Variants in GALK2 observed in about 807,000 individuals in gnomAD.
GALK2 encodes N-acetylgalactosamine kinase.
Under a neutral mutation model 52.4 loss-of-function variants are expected in GALK2, and 36 were observed. That is an observed-to-expected ratio of 0.69 (90% CI 0.53 to 0.91). The LOEUF (loss-of-function observed/expected upper bound fraction) is 0.91, where lower values mean the gene tolerates loss of function less well. Among genes scored for constraint, GALK2 ranks in the 40% least tolerant of loss-of-function variants. GALK2 has a pLI of 0.00. For missense variants in GALK2, 579 were observed against 559.1 expected (o/e 1.04, Z -0.36); for synonymous variants, 176 against 199.1 (o/e 0.88, Z 0.98).
At chr15:49,200,828 T>C (rs1014796178) in intron 1 of GALK2, among the ~76,000 whole-genome samples, 1 of 152,176 alleles carries the variant, frequency 6.6e-6, no homozygotes, top group East Asian at 1.9e-4. Flanking sequence ...TCCCTGAATG[T>C]CACCAAAAAA....
At chr15:49,366,650 G>A (rs1596599393) in intron 3 of GALK2, 1 of 1,563,252 alleles carries the variant, frequency 6.4e-7, no homozygotes, top group Non-Finnish European at 8.8e-7. Flanking sequence ...GAGCAGGGCG[G>A]CCGTGGCAGG....
chr15:49,367,650 T>C (rs113970964), exon 4 of GALK2: 3 of 1,518,676 alleles, frequency 2.0e-6, no homozygotes, highest in South Asian at 2.6e-5. Context: ...ATTACTTTTG[T>C]GTTTCTAAAA....
At chr15:49,203,194 G>T (rs772508091) in intron 2 of GALK2, among the ~76,000 whole-genome samples, 2 of 152,074 alleles carry the variant, frequency 1.3e-5, no homozygotes, top group Admixed American at 1.3e-4. Context: ...GGGACTACAG[G>T]CACGTGCCAC....
intron 7 of GALK2, among the ~76,000 whole-genome samples, chr15:49,290,168 C>A (rs2033796202): frequency 1.3e-5 from 2 of 152,204 alleles, no homozygotes; most frequent in South Asian, 4.1e-4. Flanking sequence ...TGTCTTTGAA[C>A]AATGGTGATC....
At position 49,328,178 on chromosome 15, in the gene GALK2, A is replaced by C; in HGVS notation, c.*19A>C. ...GGCCTGAAAAAATGTAAAAAGTCTG[A>C]GAGAAACTACTTAGGGCACTTAGGA... On this transcript the variant is annotated 3_prime_UTR_variant, in exon 10 of 10. Coordinates refer to ENST00000560031, the MANE Select transcript of GALK2 (RefSeq NM_002044.4). The C allele has an allele frequency of 1.2e-6, 2 of 1,605,260 alleles. No individual in the cohort carries two copies. The highest frequency in any genetic ancestry group is 1.7e-6 in the Non-Finnish European group (2 of 1,175,406).
chr15:49,357,348 A>C (rs1331921812), intron 3 of GALK2, among the ~76,000 whole-genome samples: 6 of 150,086 alleles, frequency 4.0e-5, no homozygotes, highest in Non-Finnish European at 7.4e-5. Flanking sequence ...CAAGACTAAT[A>C]AAGAAAAAAA....
At chr15:49,213,914 G>A (rs1395767434) in intron 2 of GALK2, among the ~76,000 whole-genome samples, 2 of 151,984 alleles carry the variant, frequency 1.3e-5, no homozygotes, top group Admixed American at 6.5e-5. Context: ...TCAGGAGATC[G>A]AGACCATCAT....
At chr15:49,202,365 C>T (rs1181136733) in intron 2 of GALK2, among the ~76,000 whole-genome samples, 2 of 152,140 alleles carry the variant, frequency 1.3e-5, no homozygotes, top group African/African-American at 4.8e-5. Context: ...ACATGTTATC[C>T]TTCCCAGCCT....
At chr15:49,205,238 G>GAT (rs1018270623) in intron 2 of GALK2, among the ~76,000 whole-genome samples, 2 of 152,166 alleles carry the variant, frequency 1.3e-5, no homozygotes, top group Admixed American at 6.5e-5. Context: ...CCTCTGAGTA[G>GAT]ATACCCATTA....
chr15:49,328,894 C>T lies in GALK2; in HGVS notation c.*735C>T. On this transcript the variant is annotated 3_prime_UTR_variant, in exon 10 of 10. Coordinates refer to ENST00000560031, the MANE Select transcript of GALK2 (RefSeq NM_002044.4). ...AATTCTTTTGGCCCTGAGCTATCTCCATTACTTAATAGAAAAACTTAGATA... is the reference window on the plus strand; with the variant it reads ...AATTCTTTTGGCCCTGAGCTATCTCTATTACTTAATAGAAAAACTTAGATA... 1 of 1,262,890 alleles carries T rather than the reference C, an allele frequency of 7.9e-7. No individual in the cohort carries two copies. Among genetic ancestry groups the T allele is most frequent in the East Asian group, 2.9e-5 (1 of 34,850 alleles). 78.2% of individuals were successfully genotyped at this position (1,262,890 alleles called of 1,614,324 possible).
intron 8 of GALK2, among the ~76,000 whole-genome samples, chr15:49,302,901 A>C (rs2035231328): frequency 6.6e-6 from 1 of 152,232 alleles, no homozygotes; most frequent in African/African-American, 2.4e-5. Flanking sequence ...TGAGAAAAAT[A>C]ATAGACTGTT....
At chr15:49,282,258 T>C (rs1235709993) in intron 6 of GALK2, among the ~76,000 whole-genome samples, 173 bp downstream of exon 6, 2 of 152,232 alleles carry the variant, frequency 1.3e-5, no homozygotes, top group Non-Finnish European at 2.9e-5. Context: ...CACCAGTTAA[T>C]CTACTCTATT....
At chr15:49,185,912 T>G (rs2086304878) in intron 1 of GALK2, among the ~76,000 whole-genome samples, 2 of 152,220 alleles carry the variant, frequency 1.3e-5, no homozygotes, top group Admixed American at 6.5e-5. Context: ...TTTCAGCACT[T>G]TAAGTATGTC....
intron 8 of GALK2, among the ~76,000 whole-genome samples, chr15:49,315,736 GTTAGACATTCCTA>G (rs2036352042): frequency 6.6e-6 from 1 of 152,134 alleles, no homozygotes; most frequent in South Asian, 2.1e-4. Context: ...AAGAGTCCTC[GTTAGACATTCCTA>G]TTCAGAAGTC....
chr15:49,361,833 C>T (rs937774562), intron 3 of GALK2, among the ~76,000 whole-genome samples: 5 of 152,160 alleles, frequency 3.3e-5, no homozygotes, highest in African/African-American at 7.2e-5. Context: ...CTGCTTTCCA[C>T]AACGGTTGAA....
chr15:49,282,020 C>T lies in GALK2; in HGVS notation c.538C>T (p.Arg180Cys), dbSNP rs201505722. The T allele has an allele frequency of 9.0e-5, 145 of 1,613,490 alleles. No homozygotes were observed. The East Asian group carries it at 2.5e-3, about 27-fold the overall frequency. ...ELAEICAKSE[R>C]YIGTEGGGMD... ...TGCAGAAATCTGTGCCAAGAGTGAG[C>T]GTTACATTGGCACTGAAGGAGGAGG... Residue 180 changes from arginine to cysteine, a missense_variant, in exon 6 of 10, where the codon CGT (arginine) becomes TGT (cysteine). Physicochemically the swap from Arg to Cys is radical, Grantham distance 180. Transcript: ENST00000560031.
chr15:49,234,544 C>T (rs570303216), intron 3 of GALK2, among the ~76,000 whole-genome samples: 37 of 152,260 alleles, frequency 2.4e-4, no homozygotes, highest in African/African-American at 8.4e-4. Flanking sequence ...AGCAAAGTCA[C>T]ATCTTACATG....
intron 8 of GALK2, among the ~76,000 whole-genome samples, chr15:49,299,912 G>A (rs1377836412): frequency 1.3e-5 from 2 of 151,812 alleles, no homozygotes; most frequent in African/African-American, 2.4e-5. Context: ...TGAGAAGAAT[G>A]TATATTCTGT....
chr15:49,191,194 GA>G lies in GALK2; in HGVS notation c.54-9961del, dbSNP rs199825320. 2.0e-3 allele frequency among the ~76,000 whole-genome samples: 301 copies of G among 152,126 alleles called. 3 individuals carry two copies. The highest frequency in any genetic ancestry group is 0.019 in the East Asian group (100 of 5,174). ...AATTTCCTATTAAGGGAGGAATAGG[GA>G]AAAAAATAATACAAAAATAACTGGT... On this transcript the variant is annotated intron_variant, in intron 1 of 9. Coordinates refer to ENST00000560031, the MANE Select transcript of GALK2 (RefSeq NM_002044.4).
Sources: allele counts gnomAD v4.1 joint callset (sites outside exome capture counted in the v4.1 genomes callset), GRCh38; gene constraint gnomAD v4.1.1; transcripts MANE v1.5; gene names NCBI Gene and HGNC (gene_info 2026-07-23, HGNC 2026-07-21).